PRELID2: variants seen among roughly 807,000 people sequenced by gnomAD.
The protein encoded by PRELID2 is PRELI domain-containing protein 2.
A neutral mutation model predicts 28.4 loss-of-function variants in PRELID2; 25 were observed. The ratio of observed to expected loss-of-function variants is 0.88; its 90% confidence interval spans 0.64 to 1.23. The LOEUF is 1.23. Among genes scored for constraint, PRELID2 ranks in the 50% most tolerant of loss-of-function variants. The pLI is 0.00. For synonymous variants in PRELID2, 76 were observed against 71.6 expected (o/e 1.06, Z -0.31); for missense variants, 201 against 214.4 (o/e 0.94, Z 0.39).
At chr5:145,722,519 CA>C (rs1324788830) in intron 1 of PRELID2, among the ~76,000 whole-genome samples, 1 of 150,096 alleles carries the variant, frequency 6.7e-6, no homozygotes, top group African/African-American at 2.5e-5. Flanking sequence ...TTTTTTGAGA[CA>C]GAGTCTCACT....
chr5:145,830,095 C>T (rs1015145646), intron 1 of PRELID2, among the ~76,000 whole-genome samples: 3 of 152,322 alleles, frequency 2.0e-5, no homozygotes, highest in African/African-American at 4.8e-5. Context: ...TAAAATTGCA[C>T]AGGGCTAATC....
intron 1 of PRELID2, among the ~76,000 whole-genome samples, chr5:145,562,325 C>A (rs1321144898): frequency 1.3e-5 from 2 of 152,134 alleles, no homozygotes; most frequent in Admixed American, 1.3e-4. Context: ...CCAGAAAAAA[C>A]CTCCAGTTTC....
At chr5:145,300,908 C>T in the PRELID2 span, among the ~76,000 whole-genome samples, 1 of 151,784 alleles carries the variant, frequency 6.6e-6, no homozygotes, top group African/African-American at 2.4e-5. Flanking sequence ...TTAAGCCAAA[C>T]CTACAGAACA....
chr5:145,781,108 G>T lies in PRELID2; in HGVS notation c.474+15334C>A, dbSNP rs137969076. Among the ~76,000 whole-genome samples, 19 of 152,306 alleles carry T rather than the reference G, an allele frequency of 1.2e-4. No homozygotes were observed. The East Asian group carries it at 1.7e-3, about 14-fold the overall frequency. On this transcript the variant is annotated intron_variant, in intron 5 of 6. Coordinates refer to ENST00000683046, the MANE Select transcript of PRELID2 (RefSeq NM_205846.3). Reference sequence around the variant, plus strand: ...CTGGGTCACTGCCTGCTGCCCATTAGGGGTGGCTACAACCAAAGGGGTCTT... The same window carrying T: ...CTGGGTCACTGCCTGCTGCCCATTATGGGTGGCTACAACCAAAGGGGTCTT...
intron 1 of PRELID2, among the ~76,000 whole-genome samples, chr5:145,588,435 C>T (rs1013974795): frequency 1.3e-5 from 2 of 152,124 alleles, no homozygotes; most frequent in African/African-American, 4.8e-5. Context: ...ATCAATCTGA[C>T]TGCTTTTGTC....
the PRELID2 span, among the ~76,000 whole-genome samples, chr5:145,422,726 T>C: frequency 1.3e-5 from 2 of 151,926 alleles, no homozygotes; most frequent in Admixed American, 6.6e-5. Context: ...GAGCATTTAG[T>C]CCATTTACAT....
chr5:145,710,684 A>C (rs1755669230), intron 1 of PRELID2, among the ~76,000 whole-genome samples: 2 of 152,204 alleles, frequency 1.3e-5, no homozygotes, highest in South Asian at 2.1e-4. Context: ...ACTGTTCTAC[A>C]AGAGTGACAC....
chr5:145,676,814 T>A (rs1051799373), intron 1 of PRELID2, among the ~76,000 whole-genome samples: 48 of 152,178 alleles, frequency 3.2e-4, no homozygotes, highest in Middle Eastern at 3.4e-3. Flanking sequence ...CAGAAAAAAA[T>A]ACTTTTAATA....
intron 1 of PRELID2, among the ~76,000 whole-genome samples, chr5:145,528,007 T>C (rs1752623646): frequency 6.6e-6 from 1 of 152,114 alleles, no homozygotes; most frequent in African/African-American, 2.4e-5. Flanking sequence ...CCTTTGCATA[T>C]TATGTCCCAT....
the PRELID2 span, among the ~76,000 whole-genome samples, chr5:145,417,960 T>A: frequency 6.6e-6 from 1 of 151,450 alleles, no homozygotes; most frequent in Non-Finnish European, 1.5e-5. Flanking sequence ...TCAAATTATC[T>A]TTGCAGATGA....
the PRELID2 span, among the ~76,000 whole-genome samples, chr5:145,446,623 C>T: frequency 4.5e-4 from 68 of 152,214 alleles, no homozygotes; most frequent in South Asian, 2.7e-3. Flanking sequence ...GCCAATCGAT[C>T]GGACATAGAC....
intron 6 of PRELID2, among the ~76,000 whole-genome samples, chr5:145,760,733 G>A (rs1757434664): frequency 6.6e-6 from 1 of 152,166 alleles, no homozygotes; most frequent in African/African-American, 2.4e-5. Context: ...AAAGGAGCTG[G>A]TTCAGAGAAG....
chr5:145,361,872 C>A, the PRELID2 span, among the ~76,000 whole-genome samples: 2 of 152,192 alleles, frequency 1.3e-5, no homozygotes, highest in African/African-American at 4.8e-5. Flanking sequence ...CTGGAAAGTC[C>A]CAAATCATGT....
At chr5:145,347,473 G>A in the PRELID2 span, among the ~76,000 whole-genome samples, 1 of 152,156 alleles carries the variant, frequency 6.6e-6, no homozygotes, top group Non-Finnish European at 1.5e-5. Context: ...TAGGGCAGAT[G>A]CTATCAACCT....
At chr5:145,633,805 G>A (rs1324907489) in intron 1 of PRELID2, among the ~76,000 whole-genome samples, 2 of 152,116 alleles carry the variant, frequency 1.3e-5, no homozygotes, top group African/African-American at 2.4e-5. Flanking sequence ...ACCTCTATAG[G>A]CAAATGTGGA....
the PRELID2 span, chr5:145,229,404 A>C: frequency 1.3e-6 from 1 of 751,900 alleles, no homozygotes; most frequent in Admixed American, 1.7e-5. Context: ...GGAATCCTGG[A>C]GAACCCCAAG....
At chr5:145,331,693 A>C in the PRELID2 span, among the ~76,000 whole-genome samples, 1 of 152,192 alleles carries the variant, frequency 6.6e-6, no homozygotes. Flanking sequence ...TCCTGAATAC[A>C]GCACACTGAT....
chr5:145,232,261 A>G, the PRELID2 span, among the ~76,000 whole-genome samples: 6 of 152,320 alleles, frequency 3.9e-5, 1 homozygote, highest in East Asian at 7.7e-4. Flanking sequence ...GCAGCTTAAC[A>G]TACATTCTCT....
chr5:145,537,665 C>A (rs1034707225), intron 1 of PRELID2, among the ~76,000 whole-genome samples: 3 of 151,178 alleles, frequency 2.0e-5, no homozygotes, highest in South Asian at 2.1e-4. Flanking sequence ...TTTAATTGGG[C>A]TATTTGTTTT....
Sources: gnomAD v4.1 joint callset for allele counts (sites outside exome capture counted in the v4.1 genomes callset) on GRCh38, gnomAD v4.1.1 for gene constraint, MANE v1.5 for transcripts, NCBI Gene and HGNC (gene_info 2026-07-23, HGNC 2026-07-21) for gene names.